Variants in PHF12 observed in about 807,000 individuals in gnomAD.
PHF12 encodes the protein PHD finger protein 12.
PHF12 carries 6 observed loss-of-function variants against 99.8 expected under a neutral mutation model. That is an observed-to-expected ratio of 0.06 (90% CI 0.03 to 0.12). The LOEUF is 0.12. Ranked by LOEUF, PHF12 falls within the 10% of genes least tolerant of loss-of-function variation. The probability of loss-of-function intolerance (pLI) is 1.00; values close to 1 mark genes in which losing one functional copy is unlikely to be tolerated. For missense variants in PHF12, 954 were observed against 1,300.1 expected (o/e 0.73, Z 4.09); for synonymous variants, 480 against 514.9 (o/e 0.93, Z 0.92).
rs115831921 is a variant in PHF12, at chr17:28,949,446, C to T, written c.248+619G>A. On this transcript the variant is annotated intron_variant, in intron 2 of 14. Coordinates refer to ENST00000332830, the MANE Select transcript of PHF12 (RefSeq NM_001033561.2). The surrounding 1 kb of genome is among the most constrained non-coding windows in gnomAD (Gnocchi z 4.6). ...CTGCAGAAAGGACTCTGGGGCTGTC[C>T]CCACCGTTCCCCCGAGAGACGTTTG... is the stretch of plus-strand genomic sequence containing the variant. 5.8e-3 allele frequency among the ~76,000 whole-genome samples: 877 copies of T among 152,242 alleles called. 10 individuals carry two copies. Among genetic ancestry groups the T allele is most frequent in the African/African-American group, 0.018 (765 of 41,556 alleles).
chr17:28,906,560 G>A lies in PHF12; in HGVS notation c.2681-43C>T. ...GGTCACAGAAGAGGAACAGTGAGCAGCCAACCCATGTGGGCTGTTTGCCAA... is the reference window on the plus strand; with the variant it reads ...GGTCACAGAAGAGGAACAGTGAGCAACCAACCCATGTGGGCTGTTTGCCAA... On this transcript the variant is annotated intron_variant, in intron 14 of 14. Transcript: ENST00000332830. The surrounding 1 kb of genome is among the most constrained non-coding windows in gnomAD (Gnocchi z 4.2). 1.3e-6 allele frequency: 2 copies of A among 1,549,210 alleles called. No homozygotes were observed.
intron 5 of PHF12, 152 bp from the exon 6 acceptor site, chr17:28,919,427 C>T (rs1178040810): frequency 8.1e-6 from 9 of 1,106,500 alleles, no homozygotes; most frequent in Non-Finnish European, 1.1e-5. Flanking sequence ...GATTCAGTTA[C>T]ATTTATGATT....
intron 5 of PHF12, among the ~76,000 whole-genome samples, chr17:28,921,179 C>T (rs1261962214): frequency 6.6e-6 from 1 of 150,924 alleles, no homozygotes; most frequent in African/African-American, 2.4e-5. Flanking sequence ...CCACAGCGCC[C>T]GGCCCCTTGT....
At chr17:28,935,098 C>G (rs1312036865) in intron 2 of PHF12, among the ~76,000 whole-genome samples, 1 of 152,130 alleles carries the variant, frequency 6.6e-6, no homozygotes, top group Non-Finnish European at 1.5e-5. Context: ...CATTCTTTTC[C>G]ATAGGCAGAG....
intron 2 of PHF12, among the ~76,000 whole-genome samples, chr17:28,942,478 C>A (rs965209480): frequency 1.3e-5 from 2 of 151,920 alleles, no homozygotes; most frequent in Non-Finnish European, 2.9e-5. Context: ...TATGACTGTG[C>A]CACTGCCCTC....
intron 4 of PHF12, among the ~76,000 whole-genome samples, chr17:28,923,188 A>T (rs2152666037): frequency 6.6e-6 from 1 of 151,840 alleles, no homozygotes; most frequent in East Asian, 1.9e-4. Flanking sequence ...ATTTGCTTTT[A>T]CATGCACAAA....
chr17:28,933,929 C>A (rs1252959548), intron 2 of PHF12, among the ~76,000 whole-genome samples: 1 of 152,074 alleles, frequency 6.6e-6, no homozygotes, highest in Non-Finnish European at 1.5e-5. Context: ...CATCTGTAGT[C>A]CCAGCTACTT....
intron 6 of PHF12, 47 bp from the exon 7 acceptor site, chr17:28,917,496 C>T (rs766730569): frequency 6.5e-7 from 1 of 1,549,020 alleles, no homozygotes; most frequent in South Asian, 1.2e-5. Context: ...CAAAAGGCAC[C>T]TCCTATCCCA....
intron 2 of PHF12, among the ~76,000 whole-genome samples, chr17:28,930,672 G>A (rs532866860): frequency 5.3e-5 from 8 of 152,036 alleles, no homozygotes; most frequent in Non-Finnish European, 1.0e-4. Flanking sequence ...TTTCAATATC[G>A]TTTATCTTAA....
Position 28,919,203 on chromosome 17 carries a change from C to T in PHF12, c.909G>A (p.Pro303=), listed in dbSNP as rs760083653. 4.0e-5 allele frequency: 65 copies of T among 1,614,026 alleles called. No individual in the cohort carries two copies. The highest frequency in any genetic ancestry group is 1.3e-4 in the South Asian group (12 of 91,086). ...PLLFHMDCLE[P]PLTAMPLGRW... ...TGCCCAGGGGCATGGCAGTGAGCGG[C>T]GGCTCGAGGCAATCCATGTGAAACA... The change falls in exon 6 of 15, where the codon CCG becomes CCA. Residue 303 remains proline, a synonymous_variant. Coordinates refer to ENST00000332830, the MANE Select transcript of PHF12 (RefSeq NM_001033561.2).
intron 7 of PHF12, among the ~76,000 whole-genome samples, chr17:28,914,691 AAAAAAAAAAAAT>A (rs2040031435): frequency 6.6e-6 from 1 of 150,680 alleles, no homozygotes; most frequent in Admixed American, 6.6e-5. Context: ...AAAAAAAAAA[AAAAAAAAAAAAT>A]GCTTGACATG....
chr17:28,944,370 G>A (rs2040682622), intron 2 of PHF12: 2 of 636,084 alleles, frequency 3.1e-6, no homozygotes, highest in Non-Finnish European at 3.9e-6. Context: ...CACAAAAACT[G>A]TAATCTTTCA....
In PHF12 at chr17:28,912,666, G is replaced by C. The variant is rs112729635; in HGVS notation, c.1905C>G (p.Ile635Met). The change falls in exon 9 of 15, where the codon ATC (isoleucine) becomes ATG (methionine). Residue 635 changes from isoleucine (I) to methionine (M), a missense_variant. By Grantham distance (10) the Ile-to-Met change is conservative (BLOSUM62 1). Transcript: ENST00000332830. ...PPSIPSSCASIENTSTLQRKT... is the reference protein window; with the variant it reads ...PPSIPSSCASMENTSTLQRKT... Reference sequence around the variant, plus strand: ...TTCTTTGCAAAGTGCTGGTGTTCTCGATGCTGGCACAAGAGCTGGGAATGG... The same window carrying C: ...TTCTTTGCAAAGTGCTGGTGTTCTCCATGCTGGCACAAGAGCTGGGAATGG... 1 of 1,614,236 alleles carries C rather than the reference G, an allele frequency of 6.2e-7. No individual in the cohort carries two copies. The highest frequency in any genetic ancestry group is 2.2e-5 in the East Asian group (1 of 44,880).
rs1376005049 is a variant in PHF12 at position 28,911,118 on chromosome 17, T to C, written c.2209A>G (p.Asn737Asp). 4 of 1,613,954 alleles carry C rather than the reference T, an allele frequency of 2.5e-6. No individual in the cohort carries two copies. The highest frequency in any genetic ancestry group is 2.7e-5 in the African/African-American group (2 of 74,900). Reference sequence around the variant, plus strand: ...CAGCAGCTCATTCACTCACCTCCATTGACATCCATAAATGCTCGAAGTGAG... The same window carrying C: ...CAGCAGCTCATTCACTCACCTCCATCGACATCCATAAATGCTCGAAGTGAG... Reference protein sequence around the residue: ...TNSLRAFMDVNGEIEINMLDE... With the variant: ...TNSLRAFMDVDGEIEINMLDE... The change falls in exon 10 of 15, where the codon AAT (asparagine) becomes GAT (aspartate). Residue 737 changes from asparagine (N) to aspartate (D), a missense_variant. Physicochemically the swap from Asn to Asp is conservative, Grantham distance 23. This residue lies in a region of PHF12 where 143 missense variants were observed against 191.8 expected (regional missense o/e 0.75). Transcript: ENST00000332830.
chr17:28,949,820 C>T lies in PHF12; in HGVS notation c.248+245G>A. The T allele has an allele frequency of 2.1e-6, 1 of 478,176 alleles. No homozygotes were observed. The highest frequency in any genetic ancestry group is 3.7e-6 in the Non-Finnish European group (1 of 268,696). The allele number at this position is 478,176 out of a possible 1,614,324, so 29.6% of individuals were successfully genotyped here. A position where few individuals can be genotyped will look rare whatever the true frequency, so the allele number is the denominator to read the frequency against. ...CCGGCTCCCCAGCGACTTCCAATCC[C>T]ATATGGGGTTCTCTTCACTCGTCCC... On this transcript the variant is annotated intron_variant, in intron 2 of 14. Coordinates refer to ENST00000332830, the MANE Select transcript of PHF12 (RefSeq NM_001033561.2). This position sits in a 1 kb window ranked among gnomAD's most constrained non-coding sequence, Gnocchi z 4.6.
chr17:28,938,781 C>T (rs1567969205), intron 2 of PHF12, among the ~76,000 whole-genome samples: 1 of 152,186 alleles, frequency 6.6e-6, no homozygotes, highest in Non-Finnish European at 1.5e-5. Flanking sequence ...TCAAACTGTG[C>T]TGTCATGGTT....
chr17:28,932,905 C>G (rs774134139), intron 2 of PHF12, among the ~76,000 whole-genome samples: 2 of 151,972 alleles, frequency 1.3e-5, no homozygotes, highest in Non-Finnish European at 2.9e-5. Context: ...GAGACCGCAT[C>G]ACTGCACTCT....
intron 3 of PHF12, chr17:28,925,308 G>A (rs1348984533): frequency 6.6e-6 from 1 of 152,226 alleles, no homozygotes; most frequent in African/African-American, 2.4e-5. Context: ...TCAGGGATAT[G>A]GTGGAGGGAG....
At chr17:28,929,197 G>T (rs1050677647) in intron 2 of PHF12, among the ~76,000 whole-genome samples, 1 of 151,002 alleles carries the variant, frequency 6.6e-6, no homozygotes, top group African/African-American at 2.4e-5. Flanking sequence ...TGGTATGCAG[G>T]AAATTTTTCT....
Sources: gnomAD v4.1 joint callset for allele counts (sites outside exome capture counted in the v4.1 genomes callset) on GRCh38, gnomAD v4.1.1 for gene constraint, gnomAD v4.1.1 regional missense constraint, Gnocchi (gnomAD v3.1) non-coding constraint, MANE v1.5 for transcripts, NCBI Gene and HGNC (gene_info 2026-07-23, HGNC 2026-07-21) for gene names.